EPB41: variants seen among roughly 807,000 people sequenced by gnomAD.
EPB41 encodes the protein protein 4.1.
A neutral mutation model predicts 108.0 loss-of-function variants in EPB41; 65 were observed. The ratio of observed to expected loss-of-function variants is 0.60; its 90% confidence interval spans 0.49 to 0.74. The LOEUF is 0.74. Among genes scored for constraint, EPB41 ranks in the 30% least tolerant of loss-of-function variants. EPB41 has a pLI of 0.00. For synonymous variants in EPB41, 336 were observed against 358.9 expected (o/e 0.94, Z 0.72); for missense variants, 875 against 1,037.0 (o/e 0.84, Z 2.15).
chr1:29,105,661 C>A (rs1397641643), intron 17 of EPB41, among the ~76,000 whole-genome samples: 1 of 151,576 alleles, frequency 6.6e-6, no homozygotes. Context: ...TTTGTTTATC[C>A]ATTCATTTGT....
chr1:28,981,730 A>T (rs2095751425), intron 1 of EPB41, among the ~76,000 whole-genome samples: 1 of 152,102 alleles, frequency 6.6e-6, no homozygotes, highest in Admixed American at 6.5e-5. Flanking sequence ...CATATTTGCA[A>T]ATTTGACTCC....
intron 11 of EPB41, among the ~76,000 whole-genome samples, chr1:29,050,115 G>A (rs1644240232): frequency 6.6e-6 from 1 of 152,136 alleles, no homozygotes; most frequent in South Asian, 2.1e-4. Flanking sequence ...TAAGCTCCAC[G>A]CCTTAGGCAC....
chr1:28,968,504 C>T (rs1374564575), intron 1 of EPB41, among the ~76,000 whole-genome samples: 2 of 152,106 alleles, frequency 1.3e-5, no homozygotes, highest in African/African-American at 4.8e-5. Context: ...CATATTTCCT[C>T]ATGTTTTTCT....
intron 1 of EPB41, among the ~76,000 whole-genome samples, chr1:28,892,093 CAAAAAAAAA>C (rs748788169): frequency 1.4e-5 from 1 of 69,810 alleles, no homozygotes; most frequent in African/African-American, 6.0e-5. Context: ...GACTGCATCT[CAAAAAAAAA>C]AAAAAAAAAA....
intron 1 of EPB41, among the ~76,000 whole-genome samples, chr1:28,977,123 G>T (rs954276076): frequency 6.6e-6 from 1 of 152,162 alleles, no homozygotes; most frequent in East Asian, 1.9e-4. Flanking sequence ...AAAGTGCTGG[G>T]ATTACAGGTG....
intron 1 of EPB41, among the ~76,000 whole-genome samples, chr1:28,926,555 C>G (rs2093460147): frequency 6.6e-6 from 1 of 152,186 alleles, no homozygotes; most frequent in African/African-American, 2.4e-5. Flanking sequence ...TTTGGATCTT[C>G]TGTCAAAGCC....
chr1:29,021,735 A>G (rs2096648703), intron 7 of EPB41, among the ~76,000 whole-genome samples: 2 of 152,062 alleles, frequency 1.3e-5, no homozygotes, highest in South Asian at 2.1e-4. Context: ...AGCGCCAGCC[A>G]CCACGCCTAG....
chr1:29,065,316 A>C (rs547020491), intron 16 of EPB41, 158 bp downstream of exon 16: 2 of 1,319,900 alleles, frequency 1.5e-6, no homozygotes, highest in African/African-American at 3.0e-5. Flanking sequence ...TCAAATATTT[A>C]TTTTTTTTTA....
At chr1:28,907,160 G>T (rs1370969022) in intron 1 of EPB41, among the ~76,000 whole-genome samples, 3 of 151,854 alleles carry the variant, frequency 2.0e-5, no homozygotes, top group Admixed American at 2.0e-4. Flanking sequence ...CGCCTCCTGG[G>T]TTCAAGCGAT....
intron 1 of EPB41, among the ~76,000 whole-genome samples, chr1:28,953,384 G>A (rs565579112): frequency 6.6e-6 from 1 of 152,120 alleles, no homozygotes; most frequent in South Asian, 2.1e-4. Context: ...AAACCATGCG[G>A]GCCTTTTGCT....
chr1:29,065,333 G>T, intron 16 of EPB41, 175 bp downstream of exon 16: 1 of 1,239,000 alleles, frequency 8.1e-7, no homozygotes, highest in Non-Finnish European at 1.1e-6. Context: ...TTTAAGTCAG[G>T]TAGGCTACCC....
intron 1 of EPB41, among the ~76,000 whole-genome samples, chr1:28,918,241 C>T (rs1411579244): frequency 6.6e-5 from 10 of 151,964 alleles, no homozygotes; most frequent in African/African-American, 2.4e-4. Flanking sequence ...TTAGTAGAGA[C>T]GAGGTTTCAC....
chr1:29,038,360 AG>A (rs1640283504), intron 10 of EPB41, among the ~76,000 whole-genome samples: 1 of 152,210 alleles, frequency 6.6e-6, no homozygotes. Context: ...ACTGTGGTAT[AG>A]ATTTCAGCTG....
In EPB41 at chr1:29,051,088, GTTTTTTTTTTTTTTTTTTTT is replaced by G. The variant is rs71586885; in HGVS notation, c.1637-2006_1637-1987del. On this transcript the variant is annotated intron_variant, in intron 11 of 20. Coordinates refer to ENST00000343067, the MANE Select transcript of EPB41 (RefSeq NM_001376013.1). ...AGCATTTCTTTCTTTTTCTTTTTCT[GTTTTTTTTTTTTTTTTTTTT>G]TTTTTTTTTGGAGACAGTCTGGCTC... 0.024 allele frequency among the ~76,000 whole-genome samples: 1,256 copies of G among 51,656 alleles called. 30 individuals are homozygous for G. In the Middle Eastern group the frequency reaches 0.4, roughly 16 times the overall value. The allele number at this position is 51,656 out of a possible 152,430, so 33.9% of individuals were successfully genotyped here.
chr1:29,036,811 G>A (rs1191725414), intron 10 of EPB41, among the ~76,000 whole-genome samples: 1 of 151,912 alleles, frequency 6.6e-6, no homozygotes, highest in Non-Finnish European at 1.5e-5. Context: ...GAGCAGCTGG[G>A]ATTACAGGTG....
chr1:28,893,985 CCA>C (rs2090407531), intron 1 of EPB41: 2 of 152,142 alleles, frequency 1.3e-5, no homozygotes. Context: ...TAGGATCCTA[CCA>C]TAAGCAGGGC....
At chr1:29,001,763 C>T (rs1330734692) in intron 4 of EPB41, among the ~76,000 whole-genome samples, 1 of 152,138 alleles carries the variant, frequency 6.6e-6, no homozygotes, top group Non-Finnish European at 1.5e-5. Flanking sequence ...CGTCTCCCTC[C>T]TCCTTTACAC....
intron 19 of EPB41, among the ~76,000 whole-genome samples, chr1:29,112,786 G>GA (rs752752233): frequency 2.0e-5 from 3 of 152,168 alleles, no homozygotes; most frequent in Non-Finnish European, 4.4e-5. Context: ...GTTGTTGTGA[G>GA]AATCAGGTGA....
intron 19 of EPB41, among the ~76,000 whole-genome samples, chr1:29,114,636 T>TAAAA (rs62666661): frequency 1.3e-5 from 1 of 77,742 alleles, no homozygotes; most frequent in African/African-American, 4.7e-5. Context: ...AGACTCCGTC[T>TAAAA]AAAAAAAAAA....
Sources: gnomAD v4.1 joint callset for allele counts (sites outside exome capture counted in the v4.1 genomes callset) on GRCh38, gnomAD v4.1.1 for gene constraint, MANE v1.5 for transcripts, NCBI Gene and HGNC (gene_info 2026-07-23, HGNC 2026-07-21) for gene names.